Variants in PBX3 observed in about 807,000 individuals in gnomAD.
The protein encoded by PBX3 is pre-B-cell leukemia transcription factor 3.
A neutral mutation model predicts 48.5 loss-of-function variants in PBX3; 14 were observed. That is an observed-to-expected ratio of 0.29 (90% confidence interval 0.19 to 0.45). The LOEUF is 0.45. Among genes scored for constraint, PBX3 ranks in the 20% least tolerant of loss-of-function variants. PBX3 has a pLI of 1.00. For synonymous variants in PBX3, 210 were observed against 200.3 expected (o/e 1.05, Z -0.41); for missense variants, 386 against 546.7 (o/e 0.71, Z 2.93).
intron 3 of PBX3, among the ~76,000 whole-genome samples, chr9:125,924,704 C>T (rs981588882): frequency 5.3e-5 from 8 of 152,152 alleles, no homozygotes; most frequent in African/African-American, 1.7e-4. Flanking sequence ...ATCAAAATAT[C>T]GTATTTATGG....
intron 5 of PBX3, among the ~76,000 whole-genome samples, chr9:125,940,268 T>C (rs1588319866): frequency 6.6e-6 from 1 of 152,352 alleles, no homozygotes; most frequent in East Asian, 1.9e-4. Flanking sequence ...TAACAGTCTT[T>C]CTTAATTTTA....
intron 2 of PBX3, among the ~76,000 whole-genome samples, chr9:125,791,289 GTCTGTCTGTCTGTCTA>G (rs2132063201): frequency 7.9e-6 from 1 of 126,178 alleles, no homozygotes; most frequent in South Asian, 2.7e-4. Context: ...TTATCTGTCT[GTCTGTCTGTCTGTCTA>G]TCTATCTATC....
At chr9:125,845,332 A>C (rs1004073583) in intron 2 of PBX3, among the ~76,000 whole-genome samples, 1 of 152,116 alleles carries the variant, frequency 6.6e-6, no homozygotes, top group Admixed American at 6.6e-5. Context: ...TAGGATGCAT[A>C]CAGTTGCATA....
At chr9:125,765,969 G>A (rs989765722) in intron 2 of PBX3, among the ~76,000 whole-genome samples, 11 of 152,132 alleles carry the variant, frequency 7.2e-5, no homozygotes, top group African/African-American at 2.4e-4. Flanking sequence ...AGTCATTAAA[G>A]TTCATCATTG....
intron 2 of PBX3, among the ~76,000 whole-genome samples, chr9:125,863,833 A>G (rs1203087547): frequency 1.3e-5 from 2 of 152,230 alleles, no homozygotes; most frequent in East Asian, 1.9e-4. Context: ...TTTACTAATC[A>G]TACCTGAGCA....
chr9:125,781,573 G>T (rs976208154), intron 2 of PBX3, among the ~76,000 whole-genome samples: 4 of 144,330 alleles, frequency 2.8e-5, no homozygotes, highest in Non-Finnish European at 6.0e-5. Flanking sequence ...GGCGAGAGGG[G>T]AGAGGGGAGA....
intron 2 of PBX3, among the ~76,000 whole-genome samples, chr9:125,811,135 T>A (rs1278724712): frequency 6.6e-6 from 1 of 152,226 alleles, no homozygotes; most frequent in African/African-American, 2.4e-5. Flanking sequence ...AGTTGGCTGA[T>A]GAAGGAAGGC....
chr9:125,775,906 G>T (rs1336746048), intron 2 of PBX3, among the ~76,000 whole-genome samples: 1 of 152,082 alleles, frequency 6.6e-6, no homozygotes, highest in Non-Finnish European at 1.5e-5. Flanking sequence ...ATTTCTTTCA[G>T]CAATGTCTAA....
chr9:125,933,098 C>T (rs759974322), intron 4 of PBX3, among the ~76,000 whole-genome samples: 3 of 152,202 alleles, frequency 2.0e-5, no homozygotes, highest in Non-Finnish European at 2.9e-5. Context: ...CAAGTTCTCT[C>T]CTGTGCCTTC....
intron 2 of PBX3, among the ~76,000 whole-genome samples, chr9:125,820,614 T>C (rs1838622503): frequency 6.6e-6 from 1 of 152,250 alleles, no homozygotes; most frequent in Non-Finnish European, 1.5e-5. Context: ...TCAGACAGGC[T>C]GTCTTGACAA....
chr9:125,820,314 A>G (rs769085084), intron 2 of PBX3, among the ~76,000 whole-genome samples: 5 of 152,216 alleles, frequency 3.3e-5, no homozygotes, highest in Non-Finnish European at 7.3e-5. Context: ...TGATACCGAG[A>G]TTAAGGAATG....
intron 2 of PBX3, among the ~76,000 whole-genome samples, chr9:125,777,630 C>T (rs1375667616): frequency 1.3e-5 from 2 of 152,086 alleles, no homozygotes; most frequent in East Asian, 3.9e-4. Flanking sequence ...TCCCAAAGTG[C>T]TGGGATTACA....
intron 2 of PBX3, among the ~76,000 whole-genome samples, chr9:125,872,988 A>G (rs1840163673): frequency 6.6e-6 from 1 of 151,734 alleles, no homozygotes; most frequent in Non-Finnish European, 1.5e-5. Flanking sequence ...TCATGAGGTC[A>G]GGAGTTCAAG....
chr9:125,878,558 A>G (rs1840309302), intron 2 of PBX3, among the ~76,000 whole-genome samples: 1 of 152,178 alleles, frequency 6.6e-6, no homozygotes, highest in Non-Finnish European at 1.5e-5. Flanking sequence ...TTGTATATTC[A>G]TGACCCAGCT....
intron 5 of PBX3, among the ~76,000 whole-genome samples, chr9:125,939,943 C>A (rs185721476): frequency 6.6e-6 from 1 of 152,134 alleles, no homozygotes; most frequent in African/African-American, 2.4e-5. Flanking sequence ...TGGTGGCTCA[C>A]GCCTGTAATC....
intron 5 of PBX3, among the ~76,000 whole-genome samples, chr9:125,941,431 G>C (rs1408389281): frequency 6.6e-6 from 1 of 152,186 alleles, no homozygotes; most frequent in African/African-American, 2.4e-5. Flanking sequence ...CACCATGGCA[G>C]CTGTACTGAC....
At chr9:125,851,116 A>G (rs974156058) in intron 2 of PBX3, among the ~76,000 whole-genome samples, 25 of 152,234 alleles carry the variant, frequency 1.6e-4, no homozygotes, top group African/African-American at 6.0e-4. Context: ...GAGTGGAGCT[A>G]TTAGATATAT....
intron 2 of PBX3, among the ~76,000 whole-genome samples, chr9:125,915,223 T>C (rs1841298342): frequency 6.6e-6 from 1 of 152,208 alleles, no homozygotes; most frequent in African/African-American, 2.4e-5. Context: ...AATTAACTAT[T>C]TTATGGGAAT....
At chr9:125,843,710 T>A in intron 2 of PBX3, 1 of 431,774 alleles carries the variant, frequency 2.3e-6, no homozygotes, top group East Asian at 7.6e-5. Flanking sequence ...CTGTTATGCT[T>A]TTAGTAGTCA....
Sources: gnomAD v4.1 joint callset for allele counts (sites outside exome capture counted in the v4.1 genomes callset) on GRCh38, gnomAD v4.1.1 for gene constraint, MANE v1.5 for transcripts, NCBI Gene and HGNC (gene_info 2026-07-23, HGNC 2026-07-21) for gene names.